Variants in MPP7 observed in about 807,000 individuals in gnomAD.
MPP7 encodes the protein MAGUK p55 subfamily member 7.
Under a neutral mutation model 76.5 loss-of-function variants are expected in MPP7, and 60 were observed. That is an observed-to-expected ratio of 0.78 (90% CI 0.64 to 0.97). The LOEUF (loss-of-function observed/expected upper bound fraction) is 0.97, where lower values mean the gene tolerates loss of function less well. Among genes scored for constraint, MPP7 ranks in the 50% least tolerant of loss-of-function variants. The pLI, the probability that MPP7 is intolerant of heterozygous loss-of-function variation, is 0.00. For missense variants in MPP7, 641 were observed against 694.0 expected (o/e 0.92, Z 0.86); for synonymous variants, 237 against 244.5 (o/e 0.97, Z 0.29).
intron 7 of MPP7, among the ~76,000 whole-genome samples, chr10:28,124,466 ATTTTT>A (rs5784042): frequency 2.5e-5 from 2 of 80,080 alleles, no homozygotes; most frequent in African/African-American, 5.0e-5. Flanking sequence ...AAGAAACAAG[ATTTTT>A]TTTTTTTTTT....
intron 6 of MPP7, among the ~76,000 whole-genome samples, chr10:28,129,866 C>G (rs954621773): frequency 2.0e-5 from 3 of 152,166 alleles, no homozygotes; most frequent in African/African-American, 7.2e-5. Flanking sequence ...ATACCAAAAT[C>G]TGAGAACCAC....
intron 3 of MPP7, among the ~76,000 whole-genome samples, chr10:28,192,527 C>A (rs1285021482): frequency 6.6e-6 from 1 of 151,952 alleles, no homozygotes; most frequent in Non-Finnish European, 1.5e-5. Flanking sequence ...AGCCATAGCA[C>A]CAAAAATAAT....
chr10:28,053,849 G>C lies in MPP7; in HGVS notation c.*216C>G. The C allele has an allele frequency of 1.8e-6, 1 of 542,772 alleles. No homozygotes were observed. 33.6% of individuals were successfully genotyped at this position (542,772 alleles called of 1,614,324 possible). A position where few individuals can be genotyped will look rare whatever the true frequency, so the allele number is the denominator to read the frequency against. On this transcript the variant is annotated 3_prime_UTR_variant, in exon 17 of 17. Transcript: ENST00000683449. ...ACGAGAAGGTTTGAGGTTTTGCTTAGAATACAGTACTGTGCATATTTTGAT... is the reference window on the plus strand; with the variant it reads ...ACGAGAAGGTTTGAGGTTTTGCTTACAATACAGTACTGTGCATATTTTGAT...
intron 2 of MPP7, among the ~76,000 whole-genome samples, chr10:28,235,257 G>C (rs1442104670): frequency 6.6e-6 from 1 of 152,092 alleles, no homozygotes; most frequent in African/African-American, 2.4e-5. Context: ...ACAGATTTTA[G>C]TTAATAATAA....
intron 1 of MPP7, among the ~76,000 whole-genome samples, chr10:28,274,380 T>G (rs1037474697): frequency 6.6e-6 from 1 of 151,096 alleles, no homozygotes; most frequent in African/African-American, 2.4e-5. Context: ...ATTACAGGCA[T>G]AAGCCACCGC....
intron 11 of MPP7, among the ~76,000 whole-genome samples, chr10:28,109,506 T>C (rs778067559): frequency 1.3e-5 from 2 of 151,976 alleles, no homozygotes; most frequent in South Asian, 4.1e-4. Context: ...TAGATTAATA[T>C]AAAGATAGGG....
chr10:28,309,426 A>AAT (rs1407189844), intron 2 of MPP7, among the ~76,000 whole-genome samples: 1 of 151,588 alleles, frequency 6.6e-6, no homozygotes, highest in Admixed American at 6.6e-5. Context: ...AAAAAAAAAA[A>AAT]AATGCTACTC....
rs1851700819 is a variant in MPP7 at position 28,059,713 on chromosome 10, C to T, written c.1235G>A (p.Ser412Asn). 6.2e-7 allele frequency: 1 copy of T among 1,613,384 alleles called. No homozygotes were observed. The highest frequency in any genetic ancestry group is 1.3e-5 in the African/African-American group (1 of 74,886). The change falls in exon 14 of 17, where the codon AGT (serine) becomes AAT (asparagine). Residue 412 changes from serine (S) to asparagine (N), a missense_variant. Coordinates refer to ENST00000683449, the MANE Select transcript of MPP7 (RefSeq NM_001318170.2). ...HTTRARRSQESDGVEYIFISK... is the reference protein window; with the variant it reads ...HTTRARRSQENDGVEYIFISK... ...AATGAAAATGTATTCAACACCATCA[C>T]TCTCCTGGCTTCTTCTTGCTCTGGT... is the stretch of plus-strand genomic sequence containing the variant.
rs1853201788 is a variant in MPP7 at position 28,089,753 on chromosome 10, G to GA, written c.1040_1041insT (p.Thr348HisfsTer3). On this transcript the variant is annotated frameshift_variant, in exon 12 of 17. Transcript: ENST00000683449. LOFTEE classifies it high-confidence loss of function. ...CTTCGTATGTGGGTACGTCAGCTGT[G>GA]TCGTACTGATCACTCTTCTTGCATT... 1 of 1,613,002 alleles carries GA rather than the reference G, an allele frequency of 6.2e-7. No individual in the cohort carries two copies. The highest frequency in any genetic ancestry group is 2.2e-5 in the East Asian group (1 of 44,886).
At chr10:28,199,139 C>T (rs1262652182) in intron 3 of MPP7, among the ~76,000 whole-genome samples, 3 of 152,066 alleles carry the variant, frequency 2.0e-5, no homozygotes, top group Admixed American at 6.6e-5. Context: ...TCTTATGAGA[C>T]TTATTCACTA....
At chr10:28,307,008 C>G (rs12098709), upstream of MPP7, among the ~76,000 whole-genome samples, 20,147 of 152,150 alleles carry the variant, frequency 0.13, 2,110 homozygotes, top group African/African-American at 0.28. Context: ...CTAACCCTAA[C>G]CCTAATCATA....
chr10:28,174,513 C>T (rs938908674), intron 3 of MPP7, among the ~76,000 whole-genome samples: 4 of 152,142 alleles, frequency 2.6e-5, no homozygotes, highest in Admixed American at 6.5e-5. Context: ...TCCTGAGACC[C>T]TCATCAAGAG....
chr10:28,219,059 G>A (rs923397113), intron 2 of MPP7, among the ~76,000 whole-genome samples: 2 of 152,144 alleles, frequency 1.3e-5, no homozygotes, highest in Non-Finnish European at 2.9e-5. Context: ...TGATGACAAA[G>A]TACGGAGCAT....
chr10:28,121,266 C>CT (rs11327373), intron 8 of MPP7, among the ~76,000 whole-genome samples: 4,363 of 136,682 alleles, frequency 0.032, 86 homozygotes, highest in African/African-American at 0.06. Flanking sequence ...GAGCAAGAAG[C>CT]TTTTTTTTTT....
chr10:28,239,143 T>C (rs1248132228), intron 1 of MPP7, among the ~76,000 whole-genome samples: 1 of 145,876 alleles, frequency 6.9e-6, no homozygotes, highest in Non-Finnish European at 1.5e-5. Flanking sequence ...TTTTATTTTT[T>C]TATTTTTATT....
chr10:28,265,836 A>G (rs1840133406), intron 1 of MPP7, among the ~76,000 whole-genome samples: 1 of 152,162 alleles, frequency 6.6e-6, no homozygotes, highest in Non-Finnish European at 1.5e-5. Flanking sequence ...GATTATCCAG[A>G]CCTGGGTTTA....
chr10:28,286,894 G>A (rs1192968015), intron 1 of MPP7, among the ~76,000 whole-genome samples: 11 of 152,092 alleles, frequency 7.2e-5, no homozygotes, highest in Admixed American at 7.2e-4. Flanking sequence ...CCCTGAGTAT[G>A]TGCCCTTTTG....
chr10:28,179,338 C>T (rs1003192169), intron 3 of MPP7, among the ~76,000 whole-genome samples: 32 of 152,178 alleles, frequency 2.1e-4, no homozygotes, highest in African/African-American at 7.7e-4. Flanking sequence ...GTAATAATTA[C>T]ACACTTACTC....
intron 3 of MPP7, among the ~76,000 whole-genome samples, chr10:28,163,850 G>A (rs904162382): frequency 4.1e-5 from 6 of 148,134 alleles, no homozygotes; most frequent in African/African-American, 1.3e-4. Context: ...GGCGGAGATC[G>A]CAGTGAGCCG....
Sources: allele counts gnomAD v4.1 joint callset (sites outside exome capture counted in the v4.1 genomes callset), GRCh38; gene constraint gnomAD v4.1.1; transcripts MANE v1.5; gene names NCBI Gene and HGNC (gene_info 2026-07-23, HGNC 2026-07-21).